The following DIAPH2 variants were observed in gnomAD, a reference collection of about 807,000 sequenced individuals.
The protein encoded by DIAPH2 is diaphanous related formin 2.
In DIAPH2, 35 loss-of-function variants were observed where a neutral mutation model predicts 92.7. That is an observed-to-expected ratio of 0.38 (90% CI 0.29 to 0.50). The LOEUF (loss-of-function observed/expected upper bound fraction) is 0.50. Among genes scored for constraint, DIAPH2 ranks in the 20% least tolerant of loss-of-function variants. The pLI, the probability that DIAPH2 is intolerant of heterozygous loss-of-function variation, is 0.94. For synonymous variants in DIAPH2, 301 were observed against 280.4 expected (o/e 1.07, Z -0.73); for missense variants, 701 against 819.5 (o/e 0.86, Z 1.77).
intron 20 of DIAPH2, among the ~76,000 whole-genome samples, chrX:97,109,217 CA>C (rs1190835909): frequency 1.8e-5 from 2 of 110,860 alleles, no homozygotes; most frequent in Admixed American, 1.9e-4. Flanking sequence ...CCCAGGAGTT[CA>C]AGACCAGCCT....
chrX:96,753,278 G>A (rs1311475566), intron 3 of DIAPH2, among the ~76,000 whole-genome samples: 1 of 111,932 alleles, frequency 8.9e-6, no homozygotes, highest in African/African-American at 3.2e-5. Flanking sequence ...TATGTGAGCA[G>A]AACATAGGGA....
chrX:97,045,762 G>A (rs1027813567), intron 17 of DIAPH2, among the ~76,000 whole-genome samples: 3 of 110,476 alleles, frequency 2.7e-5, no homozygotes, highest in Non-Finnish European at 5.7e-5. Context: ...TAAGCAGTTT[G>A]GCTAGACAAT....
intron 4 of DIAPH2, among the ~76,000 whole-genome samples, chrX:96,845,810 T>C (rs1288440829): frequency 8.9e-6 from 1 of 112,091 alleles, no homozygotes; most frequent in Non-Finnish European, 1.9e-5. Flanking sequence ...GAAACCAGTC[T>C]CACTCTGTTA....
At chrX:97,477,967 A>C (rs906352282) in intron 26 of DIAPH2, among the ~76,000 whole-genome samples, 2 of 111,417 alleles carry the variant, frequency 1.8e-5, no homozygotes, top group Non-Finnish European at 3.8e-5. Flanking sequence ...CTAATGAAAA[A>C]AACACTAAAG....
intron 23 of DIAPH2, among the ~76,000 whole-genome samples, chrX:97,257,149 T>C: frequency 8.9e-6 from 1 of 111,832 alleles, no homozygotes; most frequent in Admixed American, 9.6e-5. Context: ...GAAAAAAATA[T>C]ATGACATTAC....
chrX:97,308,951 G>A (rs1387857749), intron 23 of DIAPH2, among the ~76,000 whole-genome samples: 1 of 105,298 alleles, frequency 9.5e-6, no homozygotes, highest in Non-Finnish European at 2.0e-5. Flanking sequence ...CTGGGAGGCA[G>A]AGGTTGTAGT....
At chrX:97,462,670 A>G (rs1941766778) in intron 26 of DIAPH2, among the ~76,000 whole-genome samples, 1 of 111,792 alleles carries the variant, frequency 8.9e-6, no homozygotes, top group East Asian at 2.8e-4. Flanking sequence ...ATTATCTGTC[A>G]TGTTAAACAA....
At chrX:97,202,444 C>T (rs1174576025) in intron 22 of DIAPH2, among the ~76,000 whole-genome samples, 1 of 110,797 alleles carries the variant, frequency 9.0e-6, no homozygotes, top group Admixed American at 9.6e-5. Flanking sequence ...CACACATAGG[C>T]TCAAAATAAA....
intron 26 of DIAPH2, among the ~76,000 whole-genome samples, chrX:97,570,699 A>G (rs1414063544): frequency 1.8e-5 from 2 of 111,025 alleles, no homozygotes; most frequent in Non-Finnish European, 3.8e-5. Context: ...AAGGCACTTT[A>G]TGTATTTTCT....
At chrX:96,831,901 G>A (rs1290300453) in intron 4 of DIAPH2, among the ~76,000 whole-genome samples, 1 of 111,384 alleles carries the variant, frequency 9.0e-6, no homozygotes, top group Non-Finnish European at 1.9e-5. Flanking sequence ...AATATTCAGA[G>A]TGGCATTTTA....
chrX:97,592,784 T>C (rs892643162), intron 26 of DIAPH2, among the ~76,000 whole-genome samples: 1 of 111,926 alleles, frequency 8.9e-6, no homozygotes, highest in Non-Finnish European at 1.9e-5. Context: ...TTAATGGGAG[T>C]CGTGTGTCTA....
chrX:97,368,619 C>G (rs1369586045), intron 24 of DIAPH2, among the ~76,000 whole-genome samples: 2 of 111,504 alleles, frequency 1.8e-5, no homozygotes, highest in African/African-American at 6.5e-5. Flanking sequence ...CATGGTGAAT[C>G]TGTCTCTGCC....
At chrX:96,901,370 C>T (rs1038090630) in intron 5 of DIAPH2, among the ~76,000 whole-genome samples, 4 of 106,992 alleles carry the variant, frequency 3.7e-5, no homozygotes, top group African/African-American at 1.0e-4. Flanking sequence ...TAATTAATCT[C>T]GCTAATAGTC....
chrX:96,861,553 C>G (rs1412148860), intron 4 of DIAPH2, among the ~76,000 whole-genome samples: 1 of 111,835 alleles, frequency 8.9e-6, no homozygotes, highest in African/African-American at 3.2e-5. Flanking sequence ...ATAGCAGTCT[C>G]CTAACTGGTC....
chrX:97,232,737 G>A (rs756219128), intron 22 of DIAPH2, among the ~76,000 whole-genome samples: 30 of 111,501 alleles, frequency 2.7e-4, no homozygotes, highest in South Asian at 2.7e-3. Context: ...GATGGGATCC[G>A]TTGTTCCATC....
At chrX:97,542,226 G>A (rs919976051) in intron 26 of DIAPH2, among the ~76,000 whole-genome samples, 1 of 112,134 alleles carries the variant, frequency 8.9e-6, no homozygotes, top group African/African-American at 3.2e-5. Flanking sequence ...TGTAACAGTT[G>A]TGTGGTAAGT....
At chrX:96,988,775 G>C (rs779311761) in intron 17 of DIAPH2, among the ~76,000 whole-genome samples, 24 of 111,145 alleles carry the variant, frequency 2.2e-4, no homozygotes, top group African/African-American at 6.8e-4. Flanking sequence ...TTACTTTTCT[G>C]TCTATGTTTA....
chrX:97,044,783 C>A (rs1476584726), intron 17 of DIAPH2, among the ~76,000 whole-genome samples: 1 of 111,329 alleles, frequency 9.0e-6, no homozygotes, highest in Non-Finnish European at 1.9e-5. Flanking sequence ...CTCTCTGCTT[C>A]TCAGAGAGCA....
intron 17 of DIAPH2, among the ~76,000 whole-genome samples, chrX:97,060,278 T>C (rs1474517888): frequency 1.8e-5 from 2 of 112,430 alleles, no homozygotes; most frequent in South Asian, 7.2e-4. Flanking sequence ...AATAGTTTGC[T>C]AGGAAAAAGA....
Sources: allele counts gnomAD v4.1 joint callset (sites outside exome capture counted in the v4.1 genomes callset), GRCh38; gene constraint gnomAD v4.1.1; transcripts MANE v1.5; gene names NCBI Gene and HGNC (gene_info 2026-07-23, HGNC 2026-07-21).